The following MEI4 variants were observed in gnomAD, a reference collection of about 807,000 sequenced individuals.
MEI4 encodes meiotic double-stranded break formation protein 4.
In MEI4, 27 loss-of-function variants were observed where a neutral mutation model predicts 31.4. The observed-to-expected ratio is 0.86, with a 90% CI of 0.63 to 1.19. MEI4 has a LOEUF of 1.19. Ranked by LOEUF, MEI4 falls within the 50% of genes most tolerant of loss-of-function variation. The pLI is 0.00. For missense variants in MEI4, 329 were observed against 398.9 expected, an observed-to-expected ratio of 0.82 and a Z score of 1.49; for synonymous variants, 122 against 145.4, an observed-to-expected ratio of 0.84 and a Z score of 1.16.
At chr6:77,790,904 T>G (rs183095607) in intron 3 of MEI4, among the ~76,000 whole-genome samples, 4 of 152,220 alleles carry the variant, frequency 2.6e-5, no homozygotes, top group Non-Finnish European at 5.9e-5. Flanking sequence ...AAGAAGACAT[T>G]TATGCAGCCA....
Position 77,854,144 on chromosome 6 carries a change from G to A in MEI4, c.900+25082G>A, listed in dbSNP as rs1770695301. ...CATACTGAGTGTTCTAAGTCATTTG[G>A]ATTCTGGTTAAGGTTTTTAGTTGAG... On this transcript the variant is annotated intron_variant, in intron 4 of 4. Coordinates refer to ENST00000684080, the MANE Select transcript of MEI4 (RefSeq NM_001322247.2). 2.6e-5 allele frequency among the ~76,000 whole-genome samples: 4 copies of A among 152,010 alleles called. No homozygotes were observed. The South Asian group carries it at 8.3e-4, about 32-fold the overall frequency.
intron 1 of MEI4, among the ~76,000 whole-genome samples, chr6:77,662,504 C>T (rs1038446829): frequency 3.3e-5 from 5 of 151,882 alleles, no homozygotes; most frequent in Non-Finnish European, 7.4e-5. Flanking sequence ...CTGAAGGAGC[C>T]GGGGAGCAGA....
chr6:77,895,522 C>T (rs1053557854), intron 4 of MEI4, among the ~76,000 whole-genome samples: 5 of 152,138 alleles, frequency 3.3e-5, no homozygotes, highest in African/African-American at 4.8e-5. Context: ...TCTGCAGGAT[C>T]ATCATTCATG....
At chr6:77,727,257 G>A (rs559423875) in intron 2 of MEI4, among the ~76,000 whole-genome samples, 1 of 152,270 alleles carries the variant, frequency 6.6e-6, no homozygotes, top group East Asian at 1.9e-4. Flanking sequence ...ACCTTGAAAG[G>A]CACTAGTAGG....
In MEI4 at chr6:77,923,156, T is replaced by A; in HGVS notation, c.968T>A (p.Leu323His). The A allele has an allele frequency of 4.1e-6, 5 of 1,230,676 alleles. No individual in the cohort carries two copies. Among genetic ancestry groups the A allele is most frequent in the Non-Finnish European group, 5.1e-6 (5 of 986,960 alleles). The allele number at this position is 1,230,676 out of a possible 1,614,324, so 76.2% of individuals were successfully genotyped here. ...TACCTGTTCTGGGTTCTGGAGCAGC[T>A]TCTTCAAAAGGAAACCGAAGAAGGC... ...IFYLFWVLEQ[L>H]LQKETEEGNT... The change falls in exon 5 of 5, where the codon CTT becomes CAT. Residue 323 changes from leucine (L) to histidine (H), a missense_variant. Physicochemically the swap from Leu to His is moderately conservative, Grantham distance 99. Coordinates refer to ENST00000684080, the MANE Select transcript of MEI4 (RefSeq NM_001322247.2).
At chr6:77,922,712 T>TATCA (rs1766732903) in intron 4 of MEI4, among the ~76,000 whole-genome samples, 1 of 151,734 alleles carries the variant, frequency 6.6e-6, no homozygotes, top group African/African-American at 2.4e-5. Context: ...GATTGTTTTA[T>TATCA]ATCAAAATAA....
intron 1 of MEI4, among the ~76,000 whole-genome samples, chr6:77,681,965 G>T (rs1768965718): frequency 6.6e-6 from 1 of 152,066 alleles, no homozygotes; most frequent in Non-Finnish European, 1.5e-5. Context: ...TTAATTTATA[G>T]AACACTTTAC....
chr6:77,870,502 C>G (rs1244840186), intron 4 of MEI4, among the ~76,000 whole-genome samples: 1 of 152,166 alleles, frequency 6.6e-6, no homozygotes, highest in African/African-American at 2.4e-5. Flanking sequence ...TGTCACTTTA[C>G]TTTGTAAAGC....
chr6:77,665,210 C>T (rs1325610874), intron 1 of MEI4, among the ~76,000 whole-genome samples: 4 of 148,888 alleles, frequency 2.7e-5, no homozygotes, highest in African/African-American at 7.5e-5. Context: ...AATAAGGGGT[C>T]GGGACATGGA....
At position 77,888,965 on chromosome 6, in the gene MEI4, G is replaced by A. The variant is rs189581787; in HGVS notation, c.901-34124G>A. Among the ~76,000 whole-genome samples the A allele has an allele frequency of 9.4e-4, 143 of 152,254 alleles. 1 individual carries two copies. Among genetic ancestry groups the A allele is most frequent in the Admixed American group, 2.3e-3 (35 of 15,296 alleles). ...CTACTTCCAGCTGTCATGTAAAGAA[G>A]TACATATGTGCTTCCCCTTCCTCCA... On this transcript the variant is annotated intron_variant, in intron 4 of 4. Coordinates refer to ENST00000684080, the MANE Select transcript of MEI4 (RefSeq NM_001322247.2).
chr6:77,731,446 A>G lies in MEI4; in HGVS notation c.233-29684A>G, dbSNP rs557314989. Among the ~76,000 whole-genome samples, 6 of 150,840 alleles carry G rather than the reference A, an allele frequency of 4.0e-5. No homozygotes were observed. In the South Asian group the frequency reaches 1.3e-3, roughly 32 times the overall value. ...GTCTTCTTTTGAGAAGTGTCTGTTC[A>G]TGTCCTTTGCCCACTTTTTGATGGG... is the stretch of plus-strand genomic sequence containing the variant. On this transcript the variant is annotated intron_variant, in intron 2 of 4. Transcript: ENST00000684080.
intron 4 of MEI4, among the ~76,000 whole-genome samples, chr6:77,864,036 A>AT (rs1402661183): frequency 8.5e-5 from 13 of 152,322 alleles, no homozygotes; most frequent in African/African-American, 2.4e-4. Flanking sequence ...ATGCTGAGAG[A>AT]TTTTGTCACC....
chr6:77,714,851 G>T (rs1766544361), intron 2 of MEI4, among the ~76,000 whole-genome samples: 1 of 152,146 alleles, frequency 6.6e-6, no homozygotes, highest in Non-Finnish European at 1.5e-5. Flanking sequence ...GCAATATCAA[G>T]TATTTTTTGC....
chr6:77,714,277 A>G (rs746604804), intron 2 of MEI4, among the ~76,000 whole-genome samples: 1 of 152,082 alleles, frequency 6.6e-6, no homozygotes, highest in Non-Finnish European at 1.5e-5. Flanking sequence ...AAACAACACC[A>G]TAGTCTATAA....
rs566140673 is a variant in MEI4, at chr6:77,707,246, G to A, written c.232+16343G>A. On this transcript the variant is annotated intron_variant, in intron 2 of 4. Coordinates refer to ENST00000684080, the MANE Select transcript of MEI4 (RefSeq NM_001322247.2). The stretch of plus-strand genomic sequence containing the variant: ...TAAAGGTCACCCACTTTATACCCTA[G>A]CAAAGAACTTGACTGCATTGTGTTC... Among the ~76,000 whole-genome samples, 212 of 152,248 alleles carry A rather than the reference G, an allele frequency of 1.4e-3. 1 individual carries two copies. Among genetic ancestry groups the A allele is most frequent in the African/African-American group, 4.5e-3 (186 of 41,544 alleles).
intron 2 of MEI4, among the ~76,000 whole-genome samples, chr6:77,694,012 C>A (rs1280796837): frequency 6.6e-6 from 1 of 151,756 alleles, no homozygotes; most frequent in East Asian, 1.9e-4. Context: ...AGCAACTGAG[C>A]AACCCAAAAT....
intron 1 of MEI4, among the ~76,000 whole-genome samples, chr6:77,663,235 C>T (rs1768547051): frequency 1.3e-5 from 2 of 152,134 alleles, no homozygotes; most frequent in African/African-American, 4.8e-5. Flanking sequence ...TTTAAAAGGC[C>T]ATGCTGTAGC....
At chr6:77,763,585 T>A (rs760480567) in intron 3 of MEI4, among the ~76,000 whole-genome samples, 30 of 152,158 alleles carry the variant, frequency 2.0e-4, no homozygotes, top group Admixed American at 3.9e-4. Context: ...ACATAGGAAA[T>A]ATATATTTCA....
intron 3 of MEI4, among the ~76,000 whole-genome samples, chr6:77,776,879 AACTTT>A (rs1379402867): frequency 1.3e-5 from 2 of 152,182 alleles, no homozygotes; most frequent in Non-Finnish European, 2.9e-5. Context: ...TAGATTTTAA[AACTTT>A]ACTTTGAATA....
Sources: gnomAD v4.1 joint callset for allele counts (sites outside exome capture counted in the v4.1 genomes callset) on GRCh38, gnomAD v4.1.1 for gene constraint, MANE v1.5 for transcripts, NCBI Gene and HGNC (gene_info 2026-07-23, HGNC 2026-07-21) for gene names.